The following AFF2 variants were observed in gnomAD, a reference collection of about 807,000 sequenced individuals.
AFF2 encodes the protein AF4/FMR2 family member 2.
Under a neutral mutation model 76.9 loss-of-function variants are expected in AFF2, and 14 were observed. The observed-to-expected ratio is 0.18, with a 90% CI of 0.12 to 0.28. The LOEUF (loss-of-function observed/expected upper bound fraction) is 0.28. Among genes scored for constraint, AFF2 ranks in the 10% least tolerant of loss-of-function variants. The pLI is 1.00. For missense variants in AFF2, 868 were observed against 1,001.1 expected (o/e 0.87, Z 1.79); for synonymous variants, 398 against 366.7 (o/e 1.09, Z -0.98).
rs143835702 is a variant in AFF2, at chrX:148,811,254, C to T, written c.1086+1334C>T. ...CCAACTCCCCACCCCTACTCCCACT[C>T]CCTACCCCCTCATCTGCGGAAAAAT... On this transcript the variant is annotated intron_variant, in intron 4 of 20. Coordinates refer to ENST00000370460, the MANE Select transcript of AFF2 (RefSeq NM_002025.4). 8.1e-3 allele frequency among the ~76,000 whole-genome samples: 900 copies of T among 111,108 alleles called. 5 individuals are homozygous for T. The highest frequency in any genetic ancestry group is 0.014 in the Middle Eastern group (3 of 214).
chrX:148,550,505 A>G (rs1216964373), intron 1 of AFF2, among the ~76,000 whole-genome samples: 1 of 112,005 alleles, frequency 8.9e-6, no homozygotes, highest in African/African-American at 3.2e-5. Flanking sequence ...GTAAAAAAAG[A>G]CACAAGCATG....
At chrX:148,518,134 C>T (rs781988817) in intron 1 of AFF2, among the ~76,000 whole-genome samples, 4 of 111,368 alleles carry the variant, frequency 3.6e-5, no homozygotes, top group East Asian at 2.8e-4. Flanking sequence ...ATAAATATTG[C>T]GTTTAGAATT....
intron 1 of AFF2, among the ~76,000 whole-genome samples, chrX:148,551,648 C>T (rs1350107380): frequency 9.0e-6 from 1 of 111,117 alleles, no homozygotes; most frequent in Non-Finnish European, 1.9e-5. Flanking sequence ...AGGACTTCCT[C>T]TCTTTTGGAG....
intron 3 of AFF2, among the ~76,000 whole-genome samples, chrX:148,718,476 C>A (rs373407451): frequency 6.3e-5 from 7 of 111,300 alleles, no homozygotes; most frequent in African/African-American, 2.3e-4. Flanking sequence ...GGGCAAGACA[C>A]CTAACCTCAG....
chrX:148,670,966 G>A (rs1278752803), intron 3 of AFF2, among the ~76,000 whole-genome samples: 1 of 111,035 alleles, frequency 9.0e-6, no homozygotes, highest in Non-Finnish European at 1.9e-5. Flanking sequence ...CAAATACTTG[G>A]GATTTTTTTT....
chrX:148,627,303 A>G (rs782585903), intron 1 of AFF2, among the ~76,000 whole-genome samples: 58 of 112,237 alleles, frequency 5.2e-4, no homozygotes, highest in Middle Eastern at 4.6e-3. Flanking sequence ...AGTAACCTTT[A>G]CATGTAGACA....
At chrX:148,855,503 C>A (rs1208738993) in intron 7 of AFF2, among the ~76,000 whole-genome samples, 2 of 112,032 alleles carry the variant, frequency 1.8e-5, no homozygotes, top group African/African-American at 6.5e-5. Flanking sequence ...AGAAAATATT[C>A]TTGAGTGTAA....
At chrX:148,981,315 C>A (rs1472877466) in intron 19 of AFF2, among the ~76,000 whole-genome samples, 1 of 111,129 alleles carries the variant, frequency 9.0e-6, no homozygotes, top group African/African-American at 3.3e-5. Context: ...AGGGAACTCA[C>A]CTGCGCCTGA....
At chrX:148,533,334 C>T (rs1394149704) in intron 1 of AFF2, among the ~76,000 whole-genome samples, 1 of 109,809 alleles carries the variant, frequency 9.1e-6, no homozygotes, top group Non-Finnish European at 1.9e-5. Context: ...GCTCTGTTGC[C>T]CAGGCTGGAG....
At chrX:148,511,242 T>A (rs1411736151) in intron 1 of AFF2, among the ~76,000 whole-genome samples, 1 of 110,287 alleles carries the variant, frequency 9.1e-6, no homozygotes, top group Non-Finnish European at 1.9e-5. Context: ...TAAGGGTAAT[T>A]GGGCAGCCTT....
intron 12 of AFF2, among the ~76,000 whole-genome samples, chrX:148,962,102 C>G (rs2072115847): frequency 8.9e-6 from 1 of 112,678 alleles, no homozygotes; most frequent in African/African-American, 3.2e-5. Flanking sequence ...TGGAGTACAT[C>G]AGTACTTCAG....
chrX:148,802,591 T>C (rs1382205139), intron 3 of AFF2, among the ~76,000 whole-genome samples: 10 of 112,062 alleles, frequency 8.9e-5, no homozygotes, highest in Admixed American at 7.6e-4. Context: ...ATGCCTTCAC[T>C]GTATAGGCTG....
chrX:148,979,849 G>A lies in AFF2; in HGVS notation c.3571-889G>A, dbSNP rs182648612. ...AGTATTCCGTTCTCACTGGACTCCC[G>A]AAAATGCTGACTCTTTCCCTGACCC... On this transcript the variant is annotated intron_variant, in intron 18 of 20. Transcript: ENST00000370460. Among the ~76,000 whole-genome samples the A allele has an allele frequency of 1.5e-4, 17 of 112,294 alleles. No homozygotes were observed. In the East Asian group the frequency reaches 3.1e-3, roughly 20 times the overall value.
At chrX:148,853,856 G>A (rs1032519240) in intron 7 of AFF2, among the ~76,000 whole-genome samples, 3 of 111,512 alleles carry the variant, frequency 2.7e-5, no homozygotes, top group African/African-American at 9.8e-5. Flanking sequence ...GAAGAGTGAC[G>A]GCATTTTTCC....
intron 3 of AFF2, among the ~76,000 whole-genome samples, chrX:148,804,073 C>T (rs1440830639): frequency 4.5e-5 from 5 of 111,928 alleles, no homozygotes; most frequent in African/African-American, 1.6e-4. Flanking sequence ...AGTGCTGACA[C>T]CCTTCTAAGG....
At chrX:148,612,689 A>G (rs961461182) in intron 1 of AFF2, among the ~76,000 whole-genome samples, 5 of 112,092 alleles carry the variant, frequency 4.5e-5, no homozygotes, top group African/African-American at 1.3e-4. Context: ...ACAACATGCT[A>G]GCTAAGGCCA....
intron 3 of AFF2, among the ~76,000 whole-genome samples, chrX:148,748,101 C>T (rs2055445962): frequency 8.9e-6 from 1 of 111,754 alleles, no homozygotes; most frequent in African/African-American, 3.2e-5. Context: ...TCAATGACGG[C>T]TTTTAATTGG....
At chrX:148,616,622 G>A (rs1450151256) in intron 1 of AFF2, among the ~76,000 whole-genome samples, 2 of 109,588 alleles carry the variant, frequency 1.8e-5, no homozygotes, top group African/African-American at 3.3e-5. Context: ...TGTGCACAAC[G>A]TGAAGGTTTG....
At chrX:148,581,018 A>AACGTGTATATATACACACATATATAC (rs1569551573) in intron 1 of AFF2, among the ~76,000 whole-genome samples, 3 of 46,267 alleles carry the variant, frequency 6.5e-5, no homozygotes, top group East Asian at 3.0e-3. Context: ...CCTACACACA[A>AACGTGTATATATACACACATATATAC]ACATATGTGT....
Sources: gnomAD v4.1 joint callset for allele counts (sites outside exome capture counted in the v4.1 genomes callset) on GRCh38, gnomAD v4.1.1 for gene constraint, MANE v1.5 for transcripts, NCBI Gene and HGNC (gene_info 2026-07-23, HGNC 2026-07-21) for gene names.